The following GDA variants were observed in gnomAD, a reference collection of about 807,000 sequenced individuals.
The protein encoded by GDA is guanine deaminase.
GDA carries 18 observed loss-of-function variants against 59.6 expected under a neutral mutation model. That is an observed-to-expected ratio of 0.30 (90% CI 0.21 to 0.45). The LOEUF (loss-of-function observed/expected upper bound fraction) is 0.45. Ranked by LOEUF, GDA falls within the 20% of genes least tolerant of loss-of-function variation. The probability of loss-of-function intolerance (pLI) is 1.00; values close to 1 mark genes in which losing one functional copy is unlikely to be tolerated. For synonymous variants in GDA, 201 were observed against 201.1 expected (o/e 1.00, Z 0.00); for missense variants, 427 against 552.3 (o/e 0.77, Z 2.27).
intron 2 of GDA, among the ~76,000 whole-genome samples, chr9:72,197,912 G>C (rs569105802): frequency 6.6e-6 from 1 of 152,078 alleles, no homozygotes; most frequent in Non-Finnish European, 1.5e-5. Context: ...CACAACTGGA[G>C]TACCATGGGC....
intron 3 of GDA, among the ~76,000 whole-genome samples, chr9:72,204,527 G>T (rs1587634087): frequency 6.6e-6 from 1 of 152,262 alleles, no homozygotes; most frequent in East Asian, 1.9e-4. Context: ...AGGGAAATCA[G>T]TTCTGAAATT....
At chr9:72,241,624 A>G (rs1339168886) in intron 11 of GDA, among the ~76,000 whole-genome samples, 1 of 152,098 alleles carries the variant, frequency 6.6e-6, no homozygotes, top group Non-Finnish European at 1.5e-5. Flanking sequence ...AATCACAGTA[A>G]CTTACGTCTG....
upstream of GDA, among the ~76,000 whole-genome samples, chr9:72,145,867 C>G (rs1251007926): frequency 2.0e-5 from 3 of 152,166 alleles, no homozygotes; most frequent in Non-Finnish European, 4.4e-5. Context: ...CCACTATAGC[C>G]TCTTAATTTT....
At chr9:72,141,935 G>T (rs1279934433) in intron 1 of GDA, among the ~76,000 whole-genome samples, 1 of 152,146 alleles carries the variant, frequency 6.6e-6, no homozygotes, top group Non-Finnish European at 1.5e-5. Context: ...CATTTCAGTG[G>T]CTTCCCGACT....
intron 1 of GDA, among the ~76,000 whole-genome samples, chr9:72,133,292 A>AT (rs1826091226): frequency 9.1e-6 from 1 of 110,232 alleles, no homozygotes; most frequent in African/African-American, 3.3e-5. Flanking sequence ...CTGTCTAAAA[A>AT]AAAAAAAAAA....
chr9:72,245,268 A>G lies in GDA; in HGVS notation c.1256A>G (p.Asp419Gly). The change falls in exon 12 of 14, where the codon GAT becomes GGT. Residue 419 changes from aspartate to glycine, a missense_variant. Asp to Gly is a moderately conservative substitution (Grantham distance 94). Coordinates refer to ENST00000358399, the MANE Select transcript of GDA (RefSeq NM_004293.5). The stretch of plus-strand genomic sequence containing the variant: ...CTGTTTTATGGGGACTTTTTTGGTG[A>G]TATTTCTGAGGTAAGTAAAAGAAAG... ...IDLFYGDFFG[D>G]ISEAVIQKFL... is the part of the protein sequence containing the mutation. The G allele has an allele frequency of 6.2e-7, 1 of 1,610,580 alleles. No individual in the cohort carries two copies. The highest frequency in any genetic ancestry group is 8.5e-7 in the Non-Finnish European group (1 of 1,176,858).
intron 1 of GDA, among the ~76,000 whole-genome samples, chr9:72,150,519 A>G (rs1564163621): frequency 6.6e-6 from 1 of 152,246 alleles, no homozygotes; most frequent in Non-Finnish European, 1.5e-5. Flanking sequence ...TATAGTGACT[A>G]TATCAGCCAT....
intron 1 of GDA, among the ~76,000 whole-genome samples, chr9:72,189,971 A>T (rs1832333571): frequency 6.6e-6 from 1 of 152,220 alleles, no homozygotes; most frequent in African/African-American, 2.4e-5. Context: ...TTTAATTGCC[A>T]TTGTAACAGT....
At chr9:72,128,973 T>C (rs1825939698) in intron 1 of GDA, among the ~76,000 whole-genome samples, 1 of 149,848 alleles carries the variant, frequency 6.7e-6, no homozygotes, top group African/African-American at 2.4e-5. Context: ...TTTCTTTTCT[T>C]TTTTTTTTTG....
At chr9:72,195,708 TATTA>T in intron 2 of GDA, 120 bp downstream of exon 2, 1 of 381,400 alleles carries the variant, frequency 2.6e-6, no homozygotes. Context: ...AATTATTTTG[TATTA>T]ATTATTTGTT....
At chr9:72,133,468 G>T (rs1433055735) in intron 1 of GDA, among the ~76,000 whole-genome samples, 7 of 152,004 alleles carry the variant, frequency 4.6e-5, no homozygotes, top group Non-Finnish European at 2.9e-5. Flanking sequence ...AATGTGAATG[G>T]TTTTGACACT....
At chr9:72,176,426 T>C (rs567430147) in intron 1 of GDA, among the ~76,000 whole-genome samples, 1 of 152,222 alleles carries the variant, frequency 6.6e-6, no homozygotes, top group Non-Finnish European at 1.5e-5. Flanking sequence ...GGAACTCGGC[T>C]CCACCTTCTG....
At chr9:72,134,910 T>A (rs79232632) in intron 1 of GDA, among the ~76,000 whole-genome samples, 6 of 152,254 alleles carry the variant, frequency 3.9e-5, no homozygotes, top group African/African-American at 1.4e-4. Flanking sequence ...CCAAGCTCCT[T>A]TGGGCAAATC....
In GDA at chr9:72,184,583, A is replaced by G. The variant is rs187515518; in HGVS notation, c.124-10917A>G. The stretch of plus-strand genomic sequence containing the variant: ...ATATTCCGTTTTCTGGATGTACCGC[A>G]GTTTATTTATCCATTCTTCTACTGA... On this transcript the variant is annotated intron_variant, in intron 1 of 13. Transcript: ENST00000358399. Among the ~76,000 whole-genome samples the G allele has an allele frequency of 1.5e-4, 23 of 152,248 alleles. No individual in the cohort carries two copies. The East Asian group carries it at 4.4e-3, about 29-fold the overall frequency.
intron 10 of GDA, among the ~76,000 whole-genome samples, chr9:72,235,280 C>T (rs1196835325): frequency 1.3e-5 from 2 of 152,114 alleles, no homozygotes; most frequent in Admixed American, 1.3e-4. Context: ...ATACATGGCA[C>T]TTATTTTAAA....
chr9:72,257,648 G>C (rs61746064), downstream of GDA: 1 of 152,322 alleles, frequency 6.6e-6, no homozygotes, highest in African/African-American at 2.4e-5. Flanking sequence ...AGGATTACAG[G>C]TAGTGGCTCA....
At chr9:72,163,594 G>T (rs1421629962) in intron 1 of GDA, among the ~76,000 whole-genome samples, 2 of 151,690 alleles carry the variant, frequency 1.3e-5, no homozygotes, top group African/African-American at 4.8e-5. Context: ...CCGGGTTCAC[G>T]CCATTCTCCT....
intron 3 of GDA, among the ~76,000 whole-genome samples, chr9:72,207,868 G>A (rs1834905099): frequency 6.6e-6 from 1 of 152,094 alleles, no homozygotes; most frequent in South Asian, 2.1e-4. Flanking sequence ...AACAACTTTG[G>A]GAGTCTGAGG....
intron 1 of GDA, among the ~76,000 whole-genome samples, chr9:72,115,109 C>A (rs1482882892): frequency 6.6e-6 from 1 of 152,162 alleles, no homozygotes; most frequent in African/African-American, 2.4e-5. Context: ...CATTTTATGA[C>A]CTCCCAGTGC....
Sources: gnomAD v4.1 joint callset for allele counts (sites outside exome capture counted in the v4.1 genomes callset) on GRCh38, gnomAD v4.1.1 for gene constraint, MANE v1.5 for transcripts, NCBI Gene and HGNC (gene_info 2026-07-23, HGNC 2026-07-21) for gene names.